FAM228B: variants seen among roughly 807,000 people sequenced by gnomAD.
The protein encoded by FAM228B is family with sequence similarity 228 member B.
Under a neutral mutation model 42.6 loss-of-function variants are expected in FAM228B, and 38 were observed. The ratio of observed to expected loss-of-function variants is 0.89; its 90% confidence interval spans 0.69 to 1.17. The LOEUF (loss-of-function observed/expected upper bound fraction) is 1.17, where lower values mean the gene tolerates loss of function less well. Among genes scored for constraint, FAM228B ranks in the 50% most tolerant of loss-of-function variants. The pLI, the probability that FAM228B is intolerant of heterozygous loss-of-function variation, is 0.00. For synonymous variants in FAM228B, 109 were observed against 122.3 expected (o/e 0.89, Z 0.72); for missense variants, 344 against 367.3 (o/e 0.94, Z 0.52).
chr2:24,079,260 G>T, intron 1 of FAM228B: 4 of 604,478 alleles, frequency 6.6e-6, no homozygotes, highest in Non-Finnish European at 1.2e-5. Context: ...TGATACTGAA[G>T]CTTCTATCAA....
intron 2 of FAM228B, among the ~76,000 whole-genome samples, chr2:24,132,464 GTTTTTTTTTTTTTTT>G (rs548264853): frequency 1.1e-4 from 6 of 55,986 alleles, no homozygotes; most frequent in Non-Finnish European, 3.6e-5. Context: ...TCCTGGGATT[GTTTTTTTTTTTTTTT>G]TTTTTTTTTT....
rs1033931540 is a variant in FAM228B, at chr2:24,137,993, G to A, written c.253G>A (p.Ala85Thr). Residue 85 changes from alanine to threonine, a missense_variant, in exon 4 of 11, where the codon GCA becomes ACA. Coordinates refer to ENST00000615575, the MANE Select transcript of FAM228B (RefSeq NM_001145710.2). Reference protein sequence around the residue: ...MLYKRWVDCVADPLQKKIIEK... With the variant: ...MLYKRWVDCVTDPLQKKIIEK... ...ATATAAAAGATGGGTTGACTGTGTG[G>A]CAGATCCTCTTCAGAAGAAAATTAT... 5 of 1,548,474 alleles carry A rather than the reference G, an allele frequency of 3.2e-6. No homozygotes were observed. Among genetic ancestry groups the A allele is most frequent in the African/African-American group, 2.7e-5 (2 of 72,790 alleles).
intron 5 of FAM228B, among the ~76,000 whole-genome samples, chr2:24,146,423 T>G (rs1666896598): frequency 6.6e-6 from 1 of 152,194 alleles, no homozygotes; most frequent in African/African-American, 2.4e-5. Context: ...TATGGATATA[T>G]TTTTTCTTTT....
intron 3 of FAM228B, 42 bp from the exon 4 acceptor site, chr2:24,137,867 C>A: frequency 7.1e-7 from 1 of 1,402,910 alleles, no homozygotes; most frequent in Non-Finnish European, 9.5e-7. Flanking sequence ...AACAAGAAAG[C>A]TTTAGGATAA....
In FAM228B at chr2:24,084,118, T is replaced by C. The variant is rs1665141162; in HGVS notation, c.-210+3163T>C. The C allele has an allele frequency of 2.0e-6, 3 of 1,533,818 alleles. No homozygotes were observed. The highest frequency in any genetic ancestry group is 4.6e-5 in the East Asian group (2 of 43,696). On this transcript the variant is annotated intron_variant, in intron 2 of 10. Coordinates refer to the FAM228B transcript ENST00000613899. The surrounding 1 kb of genome is among the most constrained non-coding windows in gnomAD (Gnocchi z 8.4). ...GGTGCACGCCTTCACGTCTGGTCAA[T>C]GTCCACTGAGTGCTGTTGAGAGGGA...
chr2:24,087,638 TCTCA>T (rs770371111), intron 2 of FAM228B, among the ~76,000 whole-genome samples: 1 of 151,950 alleles, frequency 6.6e-6, no homozygotes, highest in East Asian at 1.9e-4. Flanking sequence ...TGAAACTGAG[TCTCA>T]CTCTGTTGCC....
At chr2:24,082,781 C>A (rs1665061949) in intron 2 of FAM228B, 1 of 1,416,034 alleles carries the variant, frequency 7.1e-7, no homozygotes, top group African/African-American at 1.4e-5. Flanking sequence ...ACAGGTGATA[C>A]AGGAAGGCCT....
At chr2:24,127,581 A>G (rs909030661) in intron 2 of FAM228B, among the ~76,000 whole-genome samples, 5 of 152,032 alleles carry the variant, frequency 3.3e-5, no homozygotes, top group African/African-American at 7.2e-5. Context: ...GAAAGTTACA[A>G]TTTCTCCACT....
chr2:24,125,078 C>T (rs1428315462), intron 2 of FAM228B, among the ~76,000 whole-genome samples: 1 of 152,148 alleles, frequency 6.6e-6, no homozygotes, highest in African/African-American at 2.4e-5. Flanking sequence ...CAGTAAACTG[C>T]ATATATTTAA....
intron 2 of FAM228B, among the ~76,000 whole-genome samples, chr2:24,094,028 ACT>A (rs1491144562): frequency 2.8e-5 from 3 of 107,552 alleles, no homozygotes; most frequent in African/African-American, 1.1e-4. Context: ...ATCGCCACAT[ACT>A]TTTTTTTTTT....
At chr2:24,158,922 C>T (rs1042516034) in intron 7 of FAM228B, among the ~76,000 whole-genome samples, 11 of 152,216 alleles carry the variant, frequency 7.2e-5, no homozygotes, top group African/African-American at 2.7e-4. Flanking sequence ...AGACTAACGT[C>T]CAGGTACTGG....
intron 5 of FAM228B, among the ~76,000 whole-genome samples, chr2:24,144,105 G>T (rs1013899049): frequency 6.6e-6 from 1 of 152,036 alleles, no homozygotes. Context: ...TATAATTGTC[G>T]ATAAAACTTT....
At chr2:24,156,562 A>G (rs1228723098) in intron 7 of FAM228B, among the ~76,000 whole-genome samples, 2 of 152,172 alleles carry the variant, frequency 1.3e-5, no homozygotes, top group Non-Finnish European at 1.5e-5. Context: ...TGAACCCTGG[A>G]GGCAGAGGTT....
intron 2 of FAM228B, among the ~76,000 whole-genome samples, chr2:24,130,515 G>A (rs1427859941): frequency 1.3e-5 from 2 of 152,220 alleles, no homozygotes; most frequent in Non-Finnish European, 2.9e-5. Flanking sequence ...ACTGGCATGA[G>A]ATGGTATCTC....
rs57620033 is a variant in FAM228B, at chr2:24,094,029, CTTTTTTTTTTTT to C, written c.-209-1095_-209-1084del. On this transcript the variant is annotated intron_variant, in intron 2 of 10. Coordinates refer to the FAM228B transcript ENST00000613899. Reference sequence around the variant, plus strand: ...TAGATCCCTGAGGAATCGCCACATACTTTTTTTTTTTTTTTTTTTTTTTTTTTTAAGACAGGG... The same window carrying C: ...TAGATCCCTGAGGAATCGCCACATACTTTTTTTTTTTTTTTTAAGACAGGG... Among the ~76,000 whole-genome samples, 53 of 77,390 alleles carry C rather than the reference CTTTTTTTTTTTT, an allele frequency of 6.8e-4. 1 individual carries two copies. In the South Asian group the frequency reaches 0.016, roughly 24 times the overall value. The allele number at this position is 77,390 out of a possible 152,430, so 50.8% of individuals were successfully genotyped here.
intron 2 of FAM228B, chr2:24,081,149 T>C (rs1257598868): frequency 2.6e-6 from 2 of 771,312 alleles, no homozygotes; most frequent in Non-Finnish European, 3.7e-6. Flanking sequence ...TCTTTTGCTT[T>C]TCCTTTTTTA....
chr2:24,116,803 G>A (rs1279386837), intron 3 of FAM228B, among the ~76,000 whole-genome samples: 2 of 151,262 alleles, frequency 1.3e-5, no homozygotes. Context: ...TGAATCTCTT[G>A]AACCTGGAAG....
intron 3 of FAM228B, among the ~76,000 whole-genome samples, chr2:24,101,124 G>A (rs974691922): frequency 6.6e-6 from 1 of 152,172 alleles, no homozygotes; most frequent in Non-Finnish European, 1.5e-5. Flanking sequence ...GGGGTTGGGG[G>A]CTGGTGGAGG....
intron 7 of FAM228B, among the ~76,000 whole-genome samples, chr2:24,154,797 T>C (rs1251670249): frequency 6.6e-6 from 1 of 152,214 alleles, no homozygotes; most frequent in Non-Finnish European, 1.5e-5. Context: ...TATCTGGCCT[T>C]TTTTTGCCCT....
Sources: gnomAD v4.1 joint callset for allele counts (sites outside exome capture counted in the v4.1 genomes callset) on GRCh38, gnomAD v4.1.1 for gene constraint, Gnocchi (gnomAD v3.1) non-coding constraint, MANE v1.5 for transcripts, NCBI Gene and HGNC (gene_info 2026-07-23, HGNC 2026-07-21) for gene names.